Variants in NDUFS4 observed in about 807,000 individuals in gnomAD.
The protein encoded by NDUFS4 is NADH:ubiquinone oxidoreductase subunit S4.
A neutral mutation model predicts 24.3 loss-of-function variants in NDUFS4; 28 were observed. The observed-to-expected ratio is 1.15, with a 90% CI of 0.85 to 1.58. NDUFS4 has a LOEUF of 1.58. Ranked by LOEUF, NDUFS4 falls within the 40% of genes most tolerant of loss-of-function variation. The probability of loss-of-function intolerance (pLI) is 0.00; values close to 1 mark genes in which losing one functional copy is unlikely to be tolerated. For synonymous variants in NDUFS4, 93 were observed against 69.7 expected (o/e 1.34, Z -1.67); for missense variants, 223 against 207.9 (o/e 1.07, Z -0.45).
intron 2 of NDUFS4, among the ~76,000 whole-genome samples, chr5:53,637,472 G>A (rs999599790): frequency 6.6e-6 from 1 of 152,114 alleles, no homozygotes; most frequent in African/African-American, 2.4e-5. Context: ...TCCTGAACTT[G>A]TACAAGTAAC....
At chr5:53,621,010 T>C (rs2112478047) in intron 2 of NDUFS4, among the ~76,000 whole-genome samples, 1 of 152,330 alleles carries the variant, frequency 6.6e-6, no homozygotes, top group East Asian at 1.9e-4. Flanking sequence ...AATATTTTTG[T>C]CCACATTTTC....
chr5:53,652,513 A>G (rs1472047720), intron 3 of NDUFS4, among the ~76,000 whole-genome samples: 1 of 152,182 alleles, frequency 6.6e-6, no homozygotes, highest in Non-Finnish European at 1.5e-5. Context: ...TCATGACTGT[A>G]AACATGGTTT....
At chr5:53,671,203 GA>G in intron 4 of NDUFS4, among the ~76,000 whole-genome samples, 1 of 152,088 alleles carries the variant, frequency 6.6e-6, no homozygotes, top group East Asian at 1.9e-4. Flanking sequence ...TTTTATATAA[GA>G]ATACTCTACT....
chr5:53,646,923 T>G (rs1462086089), intron 3 of NDUFS4, among the ~76,000 whole-genome samples: 1 of 152,110 alleles, frequency 6.6e-6, no homozygotes, highest in Non-Finnish European at 1.5e-5. Flanking sequence ...TTGATACTAT[T>G]CGTGGTTTTA....
At chr5:53,642,313 C>T (rs1271399131) in intron 2 of NDUFS4, among the ~76,000 whole-genome samples, 1 of 152,136 alleles carries the variant, frequency 6.6e-6, no homozygotes, top group Non-Finnish European at 1.5e-5. Context: ...ACCAAAGACA[C>T]AACTGTCACA....
chr5:53,606,246 C>G (rs918909222), intron 2 of NDUFS4, among the ~76,000 whole-genome samples: 2 of 152,128 alleles, frequency 1.3e-5, no homozygotes, highest in Non-Finnish European at 2.9e-5. Flanking sequence ...GTTTAATTGG[C>G]TCATGGTCCT....
At chr5:53,621,605 AC>A (rs1243080570) in intron 2 of NDUFS4, among the ~76,000 whole-genome samples, 1 of 151,882 alleles carries the variant, frequency 6.6e-6, no homozygotes, top group Non-Finnish European at 1.5e-5. Context: ...GAACCTTAAA[AC>A]AGTACTTCCA....
At chr5:53,579,443 C>T (rs1263421971) in intron 1 of NDUFS4, among the ~76,000 whole-genome samples, 1 of 152,156 alleles carries the variant, frequency 6.6e-6, no homozygotes, top group Admixed American at 6.5e-5. Context: ...CAGCCACCCA[C>T]CAAATATGTT....
intron 2 of NDUFS4, among the ~76,000 whole-genome samples, chr5:53,640,101 C>T (rs962315683): frequency 8.6e-5 from 13 of 151,490 alleles, no homozygotes; most frequent in African/African-American, 2.9e-4. Context: ...TTCCTCTTCT[C>T]AGCATTACGT....
intron 1 of NDUFS4, among the ~76,000 whole-genome samples, chr5:53,582,897 G>A (rs1428594551): frequency 2.6e-5 from 4 of 152,130 alleles, no homozygotes; most frequent in African/African-American, 9.7e-5. Context: ...ATCTCCATAA[G>A]CAGTATAGCA....
intron 1 of NDUFS4, among the ~76,000 whole-genome samples, chr5:53,578,504 CA>C (rs1281938209): frequency 6.6e-6 from 1 of 152,132 alleles, no homozygotes; most frequent in Non-Finnish European, 1.5e-5. Context: ...GTCAGTCTAG[CA>C]GACTAGTTAA....
At chr5:53,623,029 C>T (rs1168422871) in intron 2 of NDUFS4, among the ~76,000 whole-genome samples, 6 of 152,086 alleles carry the variant, frequency 3.9e-5, no homozygotes, top group Admixed American at 3.9e-4. Flanking sequence ...CTTCTGTCGT[C>T]GAACATTTGG....
chr5:53,586,671 C>G (rs549796726), intron 1 of NDUFS4, among the ~76,000 whole-genome samples: 1 of 152,060 alleles, frequency 6.6e-6, no homozygotes, highest in East Asian at 2.0e-4. Context: ...TACTTGCGTC[C>G]ACCACCATGC....
chr5:53,603,107 T>C (rs1750378308), intron 1 of NDUFS4, among the ~76,000 whole-genome samples: 1 of 152,116 alleles, frequency 6.6e-6, no homozygotes, highest in Admixed American at 6.5e-5. Context: ...TCCAGAACAA[T>C]TGGTATAGCT....
rs183096240 is a variant in NDUFS4 at position 53,625,140 on chromosome 5, G to C, written c.178-21093G>C. 3.3e-5 allele frequency among the ~76,000 whole-genome samples: 5 copies of C among 151,980 alleles called. No individual in the cohort carries two copies. The East Asian group carries it at 9.7e-4, about 29-fold the overall frequency. ...TTGGCTTTATTTTTTGTAGAAATGG[G>C]GTTCGCCATGTTACCCAGGCTGGTT... On this transcript the variant is annotated intron_variant, in intron 2 of 4. Coordinates refer to ENST00000296684, the MANE Select transcript of NDUFS4 (RefSeq NM_002495.4).
chr5:53,565,312 C>G (rs1167865380), intron 1 of NDUFS4, among the ~76,000 whole-genome samples: 1 of 152,212 alleles, frequency 6.6e-6, no homozygotes, highest in African/African-American at 2.4e-5. Context: ...GTTACCTCAG[C>G]ATAACAACCT....
At chr5:53,652,166 T>G (rs1316129634) in intron 3 of NDUFS4, among the ~76,000 whole-genome samples, 2 of 152,152 alleles carry the variant, frequency 1.3e-5, no homozygotes, top group Non-Finnish European at 2.9e-5. Flanking sequence ...CCTGCTGATG[T>G]AAGAGTATTA....
At chr5:53,645,532 A>C (rs1240290421) in intron 2 of NDUFS4, among the ~76,000 whole-genome samples, 1 of 152,192 alleles carries the variant, frequency 6.6e-6, no homozygotes, top group Non-Finnish European at 1.5e-5. Context: ...TTACTGGATA[A>C]AATTATAGAA....
chr5:53,612,795 T>C (rs1750737300), intron 2 of NDUFS4, among the ~76,000 whole-genome samples: 1 of 152,148 alleles, frequency 6.6e-6, no homozygotes. Context: ...CAGCAGCAAG[T>C]TATTTAATAC....
Sources: allele counts gnomAD v4.1 joint callset (sites outside exome capture counted in the v4.1 genomes callset), GRCh38; gene constraint gnomAD v4.1.1; transcripts MANE v1.5; gene names NCBI Gene and HGNC (gene_info 2026-07-23, HGNC 2026-07-21).